The following SLC15A1 variants were observed in gnomAD, a reference collection of about 807,000 sequenced individuals.
SLC15A1 encodes solute carrier family 15 member 1, also known as Caco-2 oligopeptide transporter.
SLC15A1 carries 83 observed loss-of-function variants against 92.9 expected under a neutral mutation model. That is an observed-to-expected ratio of 0.89 (90% CI 0.75 to 1.07). The LOEUF (loss-of-function observed/expected upper bound fraction) is 1.07, where lower values mean the gene tolerates loss of function less well. Ranked by LOEUF, SLC15A1 falls within the 50% of genes least tolerant of loss-of-function variation. SLC15A1 has a pLI of 0.00. For missense variants in SLC15A1, 857 were observed against 880.1 expected (o/e 0.97, Z 0.33); for synonymous variants, 322 against 318.2 (o/e 1.01, Z -0.13).
intron 17 of SLC15A1, 112 bp from the exon 18 acceptor site, chr13:98,702,641 C>A: frequency 1.2e-6 from 1 of 866,204 alleles, no homozygotes. Context: ...ATCCTAGGAC[C>A]TAAGGACATG....
At position 98,750,710 on chromosome 13, in the gene SLC15A1, G is replaced by A. The variant is rs117739818; in HGVS notation, c.4+1885C>T. Reference sequence around the variant, plus strand: ...TCAAGTGTCCCCTCAGTCACTGAGGGATCTGAAGCAATTCTGGCATGACCT... The same window carrying A: ...TCAAGTGTCCCCTCAGTCACTGAGGAATCTGAAGCAATTCTGGCATGACCT... On this transcript the variant is annotated intron_variant, in intron 1 of 22. Transcript: ENST00000376503. Among the ~76,000 whole-genome samples the A allele has an allele frequency of 7.3e-3, 1,101 of 151,852 alleles. 3 individuals carry two copies. The highest frequency in any genetic ancestry group is 0.014 in the Middle Eastern group (4 of 294).
chr13:98,689,064 C>T (rs188670263), intron 18 of SLC15A1, among the ~76,000 whole-genome samples: 440 of 152,260 alleles, frequency 2.9e-3, no homozygotes, highest in South Asian at 5.0e-3. Flanking sequence ...CTCAGCCTCC[C>T]GCGTAGTTGG....
intron 1 of SLC15A1, among the ~76,000 whole-genome samples, chr13:98,734,258 C>T (rs1468583418): frequency 6.6e-6 from 1 of 152,190 alleles, no homozygotes; most frequent in Non-Finnish European, 1.5e-5. Flanking sequence ...AGCCACTGCA[C>T]CCAGCCTTAG....
At chr13:98,750,876 C>T (rs1204616569) in intron 1 of SLC15A1, among the ~76,000 whole-genome samples, 4 of 151,506 alleles carry the variant, frequency 2.6e-5, no homozygotes, top group East Asian at 2.0e-4. Flanking sequence ...CTCAGCCTTC[C>T]GAGTAGCTGG....
chr13:98,725,357 T>C (rs1236123321), intron 4 of SLC15A1, among the ~76,000 whole-genome samples: 1 of 152,112 alleles, frequency 6.6e-6, no homozygotes, highest in Non-Finnish European at 1.5e-5. Flanking sequence ...CAGGAAAACT[T>C]TCCTGACAAC....
intron 1 of SLC15A1, among the ~76,000 whole-genome samples, chr13:98,745,600 G>A (rs148164047): frequency 3.2e-4 from 49 of 152,212 alleles, no homozygotes; most frequent in Middle Eastern, 3.4e-3. Context: ...GGGTGTGTCC[G>A]CAAGCCAAGG....
chr13:98,736,236 G>T (rs1395840318), intron 1 of SLC15A1, among the ~76,000 whole-genome samples: 81 of 152,254 alleles, frequency 5.3e-4, no homozygotes, highest in Middle Eastern at 3.4e-3. Context: ...AAACAAGAAA[G>T]GGGAAAGGAT....
At chr13:98,703,841 T>C (rs182577981) in intron 17 of SLC15A1, among the ~76,000 whole-genome samples, 26 of 152,308 alleles carry the variant, frequency 1.7e-4, no homozygotes, top group Admixed American at 1.5e-3. Context: ...ATATTTTGTA[T>C]GCATAGTATT....
chr13:98,744,124 C>T (rs1188853093), intron 1 of SLC15A1, among the ~76,000 whole-genome samples: 2 of 151,596 alleles, frequency 1.3e-5, no homozygotes, highest in African/African-American at 4.8e-5. Context: ...GCCTGTAGTC[C>T]CAGCTACTTG....
At chr13:98,717,010 T>C (rs989209543) in intron 8 of SLC15A1, among the ~76,000 whole-genome samples, 2 of 152,192 alleles carry the variant, frequency 1.3e-5, no homozygotes, top group African/African-American at 2.4e-5. Context: ...CATAATGAGA[T>C]CCTATCTCTA....
At chr13:98,710,401 C>T (rs2088152006) in intron 11 of SLC15A1, among the ~76,000 whole-genome samples, 1 of 152,132 alleles carries the variant, frequency 6.6e-6, no homozygotes, top group African/African-American at 2.4e-5. Context: ...TACAGTCAAC[C>T]TATTTCACAG....
chr13:98,701,374 TTGTCCTG>T (rs1408784277), intron 18 of SLC15A1, among the ~76,000 whole-genome samples: 1 of 152,220 alleles, frequency 6.6e-6, no homozygotes, highest in African/African-American at 2.4e-5. Flanking sequence ...GATTTTGTTT[TTGTCCTG>T]TGTCCTGTGA....
intron 15 of SLC15A1, among the ~76,000 whole-genome samples, chr13:98,707,427 T>C (rs1409554108): frequency 2.0e-5 from 3 of 152,176 alleles, no homozygotes; most frequent in East Asian, 1.9e-4. Context: ...ATGCCACTCA[T>C]AGGAAGTGCT....
chr13:98,693,932 T>G (rs2088002379), intron 18 of SLC15A1, among the ~76,000 whole-genome samples: 1 of 152,230 alleles, frequency 6.6e-6, no homozygotes, highest in African/African-American at 2.4e-5. Context: ...TGTCACAGTC[T>G]CACAGTAAGC....
chr13:98,715,954 A>G lies in SLC15A1; in HGVS notation c.647T>C (p.Phe216Ser). 2 of 1,614,110 alleles carry G rather than the reference A, an allele frequency of 1.2e-6. No homozygotes were observed. The highest frequency in any genetic ancestry group is 1.7e-6 in the Non-Finnish European group (2 of 1,179,976). The change falls in exon 9 of 23, where the codon TTT (phenylalanine) becomes TCT (serine). Residue 216 changes from phenylalanine to serine, a missense_variant. Physicochemically the swap from Phe to Ser is radical, Grantham distance 155 (BLOSUM62 -2). Transcript: ENST00000376503. ...AALMAVALIV[F>S]VLGSGMYKKF... is the part of the protein sequence containing the mutation. The stretch of plus-strand genomic sequence containing the variant: ...CTTGTACATCCCACTGCCAAGGACA[A>G]ACACAACTAGATAGGGCAGAAGAAG...
intron 9 of SLC15A1, among the ~76,000 whole-genome samples, chr13:98,714,846 A>G (rs966790551): frequency 1.3e-5 from 2 of 152,144 alleles, no homozygotes; most frequent in African/African-American, 2.4e-5. Context: ...GTTCACTAAA[A>G]AAATGGGGAG....
At chr13:98,740,210 C>T (rs1164995334) in intron 1 of SLC15A1, among the ~76,000 whole-genome samples, 1 of 152,148 alleles carries the variant, frequency 6.6e-6, no homozygotes, top group Non-Finnish European at 1.5e-5. Context: ...CCTGTCACTC[C>T]GAAGCCATGC....
chr13:98,748,236 G>A (rs2088512065), intron 1 of SLC15A1, among the ~76,000 whole-genome samples: 1 of 152,136 alleles, frequency 6.6e-6, no homozygotes, highest in African/African-American at 2.4e-5. Flanking sequence ...GGCCAGCCCA[G>A]CTGAACCACA....
intron 4 of SLC15A1, 29 bp downstream of exon 4, chr13:98,726,094 T>C: frequency 6.2e-7 from 1 of 1,611,108 alleles, no homozygotes; most frequent in Non-Finnish European, 8.5e-7. Flanking sequence ...TTTCGCTTGT[T>C]TGTGAACAAG....
Sources: gnomAD v4.1 joint callset for allele counts (sites outside exome capture counted in the v4.1 genomes callset) on GRCh38, gnomAD v4.1.1 for gene constraint, MANE v1.5 for transcripts, NCBI Gene and HGNC (gene_info 2026-07-23, HGNC 2026-07-21) for gene names.